ZMAT4: variants seen among roughly 807,000 people sequenced by gnomAD.
The protein encoded by ZMAT4 is zinc finger matrin-type protein 4.
Under a neutral mutation model 28.7 loss-of-function variants are expected in ZMAT4, and 17 were observed. The observed-to-expected ratio is 0.59, with a 90% confidence interval of 0.41 to 0.89. The LOEUF (loss-of-function observed/expected upper bound fraction) is 0.89, where lower values mean the gene tolerates loss of function less well. Ranked by LOEUF, ZMAT4 falls within the 40% of genes least tolerant of loss-of-function variation. The pLI is 0.00. For missense variants in ZMAT4, 240 were observed against 283.8 expected (o/e 0.85, Z 1.11); for synonymous variants, 117 against 109.2 (o/e 1.07, Z -0.44).
At chr8:40,846,267 A>G (rs1433704459) in intron 1 of ZMAT4, among the ~76,000 whole-genome samples, 1 of 152,168 alleles carries the variant, frequency 6.6e-6, no homozygotes, top group African/African-American at 2.4e-5. Flanking sequence ...TCCATGATCC[A>G]TTCCACCATG....
At chr8:40,857,063 A>T (rs186587820) in intron 1 of ZMAT4, among the ~76,000 whole-genome samples, 10 of 152,318 alleles carry the variant, frequency 6.6e-5, no homozygotes, top group Non-Finnish European at 1.5e-5. Flanking sequence ...GATCGAGATG[A>T]TCAGGAAGCT....
At chr8:40,626,850 G>T (rs1806400219) in intron 5 of ZMAT4, among the ~76,000 whole-genome samples, 1 of 152,164 alleles carries the variant, frequency 6.6e-6, no homozygotes, top group Non-Finnish European at 1.5e-5. Flanking sequence ...ACACAGAGAA[G>T]CTACAGTTTA....
intron 1 of ZMAT4, among the ~76,000 whole-genome samples, chr8:40,854,822 T>C (rs1817238744): frequency 6.6e-6 from 1 of 152,120 alleles, no homozygotes; most frequent in Non-Finnish European, 1.5e-5. Context: ...TTTCTGCATT[T>C]GGAAAAGAAA....
chr8:40,845,931 G>A (rs760658778), intron 1 of ZMAT4, among the ~76,000 whole-genome samples: 12 of 152,114 alleles, frequency 7.9e-5, no homozygotes, highest in Admixed American at 2.0e-4. Context: ...CTGACAGATG[G>A]CCCTCCAGCA....
At chr8:40,616,126 G>A (rs1027332489) in intron 5 of ZMAT4, among the ~76,000 whole-genome samples, 14 of 152,228 alleles carry the variant, frequency 9.2e-5, no homozygotes, top group South Asian at 2.1e-4. Flanking sequence ...GTCAACAGAC[G>A]CATGAAAAAA....
intron 1 of ZMAT4, among the ~76,000 whole-genome samples, chr8:40,863,519 C>T (rs751350208): frequency 6.6e-6 from 1 of 152,134 alleles, no homozygotes; most frequent in African/African-American, 2.4e-5. Flanking sequence ...GAGAAGAACA[C>T]AAGAGGAGGT....
At chr8:40,843,817 A>C (rs868823780) in intron 1 of ZMAT4, among the ~76,000 whole-genome samples, 21 of 152,228 alleles carry the variant, frequency 1.4e-4, no homozygotes, top group African/African-American at 5.1e-4. Context: ...GAGAAATGAA[A>C]ATCAGTTGAG....
At chr8:40,618,107 A>T (rs767293802) in intron 5 of ZMAT4, among the ~76,000 whole-genome samples, 1 of 152,200 alleles carries the variant, frequency 6.6e-6, no homozygotes, top group African/African-American at 2.4e-5. Flanking sequence ...TAGGCACCAG[A>T]TTTCCACCAC....
intron 5 of ZMAT4, among the ~76,000 whole-genome samples, chr8:40,632,281 T>C (rs1806618540): frequency 6.6e-6 from 1 of 152,176 alleles, no homozygotes; most frequent in African/African-American, 2.4e-5. Flanking sequence ...AAAATGTTTT[T>C]AAAAAGGGGA....
intron 6 of ZMAT4, among the ~76,000 whole-genome samples, chr8:40,538,605 G>A (rs574994938): frequency 1.3e-5 from 2 of 152,050 alleles, no homozygotes; most frequent in African/African-American, 4.8e-5. Flanking sequence ...TCTGAAGTGA[G>A]AGAGTTCAGT....
rs540082120 is a variant in ZMAT4, at chr8:40,731,676, C to T, written c.193-34275G>A. Among the ~76,000 whole-genome samples, 9 of 152,192 alleles carry T rather than the reference C, an allele frequency of 5.9e-5. No individual in the cohort carries two copies. In the South Asian group the frequency reaches 1.2e-3, roughly 21 times the overall value. ...GAGACAAACACTTGAAAACAGCTGT[C>T]GTAAAGCTGATCAAAGACTACAGGG... On this transcript the variant is annotated intron_variant, in intron 3 of 6. Coordinates refer to ENST00000297737, the MANE Select transcript of ZMAT4 (RefSeq NM_024645.3).
chr8:40,758,837 A>G (rs1812802354), intron 3 of ZMAT4, among the ~76,000 whole-genome samples: 1 of 152,236 alleles, frequency 6.6e-6, no homozygotes, highest in Admixed American at 6.5e-5. Context: ...TCTACTGGTT[A>G]AAGACAGAAC....
At chr8:40,653,970 T>C (rs1585826053) in intron 5 of ZMAT4, among the ~76,000 whole-genome samples, 1 of 152,148 alleles carries the variant, frequency 6.6e-6, no homozygotes, top group African/African-American at 2.4e-5. Flanking sequence ...CCGGGTTGGT[T>C]CCTCCTTCAT....
intron 1 of ZMAT4, among the ~76,000 whole-genome samples, chr8:40,874,350 C>A (rs952355145): frequency 6.6e-6 from 1 of 152,180 alleles, no homozygotes; most frequent in Non-Finnish European, 1.5e-5. Flanking sequence ...AACTTTGGGG[C>A]TCACCTGAAG....
At chr8:40,704,617 T>C (rs976164695) in intron 3 of ZMAT4, among the ~76,000 whole-genome samples, 3 of 152,238 alleles carry the variant, frequency 2.0e-5, no homozygotes, top group African/African-American at 7.2e-5. Flanking sequence ...ATAAGAACTT[T>C]AGAAGTTATC....
chr8:40,755,542 T>G (rs926977652), intron 3 of ZMAT4, among the ~76,000 whole-genome samples: 2 of 152,102 alleles, frequency 1.3e-5, no homozygotes, highest in Non-Finnish European at 2.9e-5. Flanking sequence ...AACCTCCGCC[T>G]CCCGGGTTCA....
At chr8:40,609,713 T>C (rs1175848097) in intron 5 of ZMAT4, among the ~76,000 whole-genome samples, 1 of 152,192 alleles carries the variant, frequency 6.6e-6, no homozygotes, top group Admixed American at 6.5e-5. Flanking sequence ...ATTCTCACTT[T>C]CTTGATTTCT....
chr8:40,583,878 C>A (rs1248542950), intron 5 of ZMAT4, among the ~76,000 whole-genome samples: 2 of 152,124 alleles, frequency 1.3e-5, no homozygotes, highest in South Asian at 2.1e-4. Flanking sequence ...TTTAGTCTGG[C>A]TCAGCAAATG....
At position 40,675,801 on chromosome 8, in the gene ZMAT4, T is replaced by C. The variant is rs145285822; in HGVS notation, c.350-870A>G. Among the ~76,000 whole-genome samples, 288 of 152,334 alleles carry C rather than the reference T, an allele frequency of 1.9e-3. 3 individuals carry two copies. The highest frequency in any genetic ancestry group is 7.4e-3 in the Admixed American group (113 of 15,304). ...TTATTGTAATAGGCTGTTTTCAACC[T>C]CTACCTGCTCACGTTGATGCTGAAA... On this transcript the variant is annotated intron_variant, in intron 4 of 6. Transcript: ENST00000297737.
Sources: gnomAD v4.1 joint callset for allele counts (sites outside exome capture counted in the v4.1 genomes callset) on GRCh38, gnomAD v4.1.1 for gene constraint, MANE v1.5 for transcripts, NCBI Gene and HGNC (gene_info 2026-07-23, HGNC 2026-07-21) for gene names.